Variants in RBM22 observed in about 807,000 individuals in gnomAD.
The protein encoded by RBM22 is pre-mRNA-splicing factor RBM22.
A neutral mutation model predicts 50.1 loss-of-function variants in RBM22; 1 was observed. The observed-to-expected ratio is 0.02, with a 90% CI of 0.01 to 0.09. The LOEUF (loss-of-function observed/expected upper bound fraction) is 0.09, where lower values mean the gene tolerates loss of function less well. RBM22 is among the 10% of genes least tolerant of loss of function. The probability of loss-of-function intolerance (pLI) is 1.00; values close to 1 mark genes in which losing one functional copy is unlikely to be tolerated. For missense variants in RBM22, 264 were observed against 529.3 expected (o/e 0.50, Z 4.92); for synonymous variants, 152 against 179.0 (o/e 0.85, Z 1.20).
At chr5:150,700,414 G>C in intron 2 of RBM22, 30 bp downstream of exon 2, 1 of 1,581,774 alleles carries the variant, frequency 6.3e-7, no homozygotes, top group Non-Finnish European at 8.7e-7. Context: ...GACAGGACAT[G>C]AATAACTCGT....
In RBM22 at chr5:150,695,687, G is replaced by A; in HGVS notation, c.565C>T (p.Pro189Ser). 1 of 1,610,400 alleles carries A rather than the reference G, an allele frequency of 6.2e-7. No individual in the cohort carries two copies. The highest frequency in any genetic ancestry group is 1.1e-5 in the South Asian group (1 of 90,914). ...TTCTGATCAGCAAGGGGGTCATCTGGATCTGTAGGCTTCTCATGTCTATGA... is the reference window on the plus strand; with the variant it reads ...TTCTGATCAGCAAGGGGGTCATCTGAATCTGTAGGCTTCTCATGTCTATGA... ...CPYRHEKPTD[P>S]DDPLADQNIK... The change falls in exon 7 of 11, where the codon CCA becomes TCA. Residue 189 changes from proline to serine, a missense_variant. Physicochemically the swap from Pro to Ser is moderately conservative, Grantham distance 74. This residue lies in a region of RBM22 where 62 missense variants were observed against 102.6 expected (regional missense o/e 0.60). Transcript: ENST00000199814.
intron 9 of RBM22, 83 bp downstream of exon 9, chr5:150,693,136 G>A (rs1191900220): frequency 1.0e-5 from 16 of 1,544,180 alleles, no homozygotes; most frequent in Admixed American, 1.8e-5. Context: ...GCGGCAACAT[G>A]AACCAGACCT....
chr5:150,693,670 T>C (rs967947313), intron 8 of RBM22, among the ~76,000 whole-genome samples: 1 of 152,256 alleles, frequency 6.6e-6, no homozygotes, highest in Non-Finnish European at 1.5e-5. Flanking sequence ...CCTGTGTCTC[T>C]CTTATGCAAT....
Position 150,691,595 on chromosome 5 carries a change from A to G in RBM22, c.*156T>C. The G allele has an allele frequency of 2.3e-6, 2 of 879,318 alleles. No individual in the cohort carries two copies. Among genetic ancestry groups the G allele is most frequent in the Non-Finnish European group, 3.2e-6 (2 of 627,132 alleles). 54.5% of individuals were successfully genotyped at this position (879,318 alleles called of 1,614,324 possible). A position where few individuals can be genotyped will look rare whatever the true frequency, so the allele number is the denominator to read the frequency against. ...CGGTCCATCGATCCTTTGAACAAGT[A>G]TAGGAAAGCATGGCTGTCAGTCTCT... On this transcript the variant is annotated 3_prime_UTR_variant, in exon 11 of 11. Coordinates refer to ENST00000199814, the MANE Select transcript of RBM22 (RefSeq NM_018047.3).
In RBM22 at chr5:150,691,892, G is replaced by A. The variant is rs374029037; in HGVS notation, c.1133-11C>T. On this transcript the variant is annotated splice_polypyrimidine_tract_variant and intron_variant, in intron 10 of 10. Transcript: ENST00000199814. ...TGTGTGGCCCAAAACCTGCAGATAC[G>A]AGAGAACAAATGTGTTAGGCTGGTA... The A allele has an allele frequency of 7.7e-6, 12 of 1,558,270 alleles. No individual in the cohort carries two copies. The highest frequency in any genetic ancestry group is 2.7e-5 in the African/African-American group (2 of 73,096).
rs574544046 is a variant in RBM22, at chr5:150,700,329, C to T, written c.108+115G>A. 7 of 1,033,108 alleles carry T rather than the reference C, an allele frequency of 6.8e-6. No individual in the cohort carries two copies. In the Admixed American group the frequency reaches 1.4e-4, roughly 20 times the overall value. 64.0% of individuals were successfully genotyped at this position (1,033,108 alleles called of 1,614,324 possible). A position where few individuals can be genotyped will look rare whatever the true frequency, so the allele number is the denominator to read the frequency against. On this transcript the variant is annotated intron_variant, in intron 2 of 10. Coordinates refer to ENST00000199814, the MANE Select transcript of RBM22 (RefSeq NM_018047.3). Reference sequence around the variant, plus strand: ...GTTCTTTGCAAGTCGTCCAGCACTTCGCGTTAGTAAAAGAGCATCATTTTT... The same window carrying T: ...GTTCTTTGCAAGTCGTCCAGCACTTTGCGTTAGTAAAAGAGCATCATTTTT...
intron 2 of RBM22, 51 bp from the exon 3 acceptor site, chr5:150,699,322 C>A (rs754212747): frequency 6.5e-7 from 1 of 1,526,912 alleles, no homozygotes; most frequent in Non-Finnish European, 8.8e-7. Flanking sequence ...AAGAAAAAAG[C>A]CAGATGTCTA....
In RBM22 at chr5:150,700,988, T is replaced by C; in HGVS notation, c.-3A>G. 6.2e-7 allele frequency: 1 copy of C among 1,614,192 alleles called. No individual in the cohort carries two copies. On this transcript the variant is annotated 5_prime_UTR_variant, in exon 1 of 11. Coordinates refer to ENST00000199814, the MANE Select transcript of RBM22 (RefSeq NM_018047.3). Reference sequence around the variant, plus strand: ...TTGGAACCCAGAGAGGTCGCCATCTTGAGAGCGTCCGGAGGTAGCTGTAGC... The same window carrying C: ...TTGGAACCCAGAGAGGTCGCCATCTCGAGAGCGTCCGGAGGTAGCTGTAGC...
intron 2 of RBM22, 133 bp downstream of exon 2, chr5:150,700,311 G>C (rs41290553): frequency 3.6e-6 from 3 of 826,970 alleles, no homozygotes; most frequent in African/African-American, 3.4e-5. Flanking sequence ...ACAGTTCTTT[G>C]CAAGTCGTCC....
At chr5:150,700,854 C>G (rs780617815) in intron 1 of RBM22, 78 bp downstream of exon 1, 13 of 1,613,430 alleles carry the variant, frequency 8.1e-6, no homozygotes, top group Admixed American at 1.7e-5. Flanking sequence ...TCGGCCGCGC[C>G]GCAGGCCCTG....
At chr5:150,698,217 A>G (rs1759301971) in intron 4 of RBM22, among the ~76,000 whole-genome samples, 1 of 152,238 alleles carries the variant, frequency 6.6e-6, no homozygotes, top group African/African-American at 2.4e-5. Context: ...TAAGGCAAAT[A>G]AATTATCTAT....
Position 150,691,596 on chromosome 5 carries a change from T to C in RBM22, c.*155A>G, listed in dbSNP as rs1305746010. 1.1e-5 allele frequency: 10 copies of C among 887,962 alleles called. No individual in the cohort carries two copies. The highest frequency in any genetic ancestry group is 1.6e-5 in the Non-Finnish European group (10 of 635,162). 55.0% of individuals were successfully genotyped at this position (887,962 alleles called of 1,614,324 possible). ...GGTCCATCGATCCTTTGAACAAGTA[T>C]AGGAAAGCATGGCTGTCAGTCTCTG... On this transcript the variant is annotated 3_prime_UTR_variant, in exon 11 of 11. Transcript: ENST00000199814.
At chr5:150,700,171 G>A (rs764009268) in intron 2 of RBM22, among the ~76,000 whole-genome samples, 4 of 152,156 alleles carry the variant, frequency 2.6e-5, no homozygotes, top group Non-Finnish European at 5.9e-5. Flanking sequence ...ACTATTGTAT[G>A]AAAAGACACA....
At chr5:150,693,903 T>G (rs898967752) in intron 8 of RBM22, among the ~76,000 whole-genome samples, 173 bp downstream of exon 8, 1 of 152,088 alleles carries the variant, frequency 6.6e-6, no homozygotes, top group African/African-American at 2.4e-5. Context: ...CAAAGCAGGG[T>G]TCTCCCAACA....
At position 150,691,671 on chromosome 5, in the gene RBM22, G is replaced by GA. The variant is rs1759210593; in HGVS notation, c.*79dup. ...GCTACCATGGAAACTACAAGGGAAG[G>GA]AAAAATATATTTATTCCAAGATTTA... is the stretch of plus-strand genomic sequence containing the variant. On this transcript the variant is annotated 3_prime_UTR_variant, in exon 11 of 11. Transcript: ENST00000199814. The GA allele has an allele frequency of 7.2e-7, 1 of 1,380,786 alleles. No homozygotes were observed. Among genetic ancestry groups the GA allele is most frequent in the African/African-American group, 1.5e-5 (1 of 68,324 alleles). 85.5% of individuals were successfully genotyped at this position (1,380,786 alleles called of 1,614,324 possible).
At position 150,696,522 on chromosome 5, in the gene RBM22, C is replaced by T. The variant is rs754906504; in HGVS notation, c.545+11G>A. On this transcript the variant is annotated intron_variant, in intron 6 of 10. Coordinates refer to ENST00000199814, the MANE Select transcript of RBM22 (RefSeq NM_018047.3). The surrounding 1 kb of genome is among the most constrained non-coding windows in gnomAD (Gnocchi z 4.3). ...CTGAAAGCAAATACTGAAAATGAGG[C>T]TCGCTCTTGCCTGTATGGACATTCC... The T allele has an allele frequency of 1.9e-6, 3 of 1,604,108 alleles. No individual in the cohort carries two copies. Among genetic ancestry groups the T allele is most frequent in the South Asian group, 2.2e-5 (2 of 90,092 alleles).
intron 7 of RBM22, chr5:150,695,260 T>C: frequency 2.1e-6 from 1 of 473,044 alleles, no homozygotes; most frequent in Non-Finnish European, 3.8e-6. Flanking sequence ...AACTCCTCGG[T>C]TCAAGAGATC....
chr5:150,698,384 G>T, intron 4 of RBM22, 115 bp downstream of exon 4: 1 of 1,342,316 alleles, frequency 7.4e-7, no homozygotes, highest in Non-Finnish European at 1.0e-6. Flanking sequence ...GACCACGGCA[G>T]ACATTCCAAA....
At position 150,695,402 on chromosome 5, in the gene RBM22, G is replaced by GA. The variant is rs1759262961; in HGVS notation, c.746+103dup. ...TGATACTAACAATAGAGAGACTACA[G>GA]AAAAATGTATTTTGTACAGAATGAT... On this transcript the variant is annotated intron_variant, in intron 7 of 10. Coordinates refer to ENST00000199814, the MANE Select transcript of RBM22 (RefSeq NM_018047.3). The GA allele has an allele frequency of 1.5e-5, 16 of 1,050,130 alleles. No individual in the cohort carries two copies. The South Asian group carries it at 2.2e-4, about 14-fold the overall frequency. The allele number at this position is 1,050,130 out of a possible 1,614,324, so 65.1% of individuals were successfully genotyped here.
Sources: gnomAD v4.1 joint callset for allele counts (sites outside exome capture counted in the v4.1 genomes callset) on GRCh38, gnomAD v4.1.1 for gene constraint, gnomAD v4.1.1 regional missense constraint, Gnocchi (gnomAD v3.1) non-coding constraint, MANE v1.5 for transcripts, NCBI Gene and HGNC (gene_info 2026-07-23, HGNC 2026-07-21) for gene names.